Variants in MINDY2 observed in about 807,000 individuals in gnomAD.
MINDY2 encodes the protein MINDY lysine 48 deubiquitinase 2.
A neutral mutation model predicts 68.2 loss-of-function variants in MINDY2; 52 were observed. The observed-to-expected ratio is 0.76, with a 90% CI of 0.61 to 0.96. The LOEUF is 0.96. Among genes scored for constraint, MINDY2 ranks in the 40% least tolerant of loss-of-function variants. The probability of loss-of-function intolerance (pLI) is 0.00; values close to 1 mark genes in which losing one functional copy is unlikely to be tolerated. For synonymous variants in MINDY2, 372 were observed against 303.0 expected, an observed-to-expected ratio of 1.23 and a Z score of -2.36; for missense variants, 881 against 773.4, an observed-to-expected ratio of 1.14 and a Z score of -1.65.
At chr15:58,801,675 T>C (rs1356284531) in intron 2 of MINDY2, among the ~76,000 whole-genome samples, 1 of 152,116 alleles carries the variant, frequency 6.6e-6, no homozygotes, top group African/African-American at 2.4e-5. Flanking sequence ...AGTCTCACTT[T>C]GTTGCCCAGG....
chr15:58,771,678 C>A lies in MINDY2; in HGVS notation c.283C>A (p.Pro95Thr), dbSNP rs1427158899. Residue 95 changes from proline to threonine, a missense_variant, in exon 1 of 9, where the codon CCT (proline) becomes ACT (threonine). Transcript: ENST00000559228. Reference protein sequence around the residue: ...LDLKDSGLESPAAAEAPLRGQ... With the variant: ...LDLKDSGLESTAAAEAPLRGQ... The stretch of plus-strand genomic sequence containing the variant: ...CTTGAAGGACAGTGGTTTGGAGAGT[C>A]CTGCTGCCGCCGAGGCGCCTCTGAG... 1 of 1,612,360 alleles carries A rather than the reference C, an allele frequency of 6.2e-7. No individual in the cohort carries two copies. The highest frequency in any genetic ancestry group is 1.7e-5 in the Admixed American group (1 of 59,978).
chr15:58,809,221 A>G, intron 3 of MINDY2, among the ~76,000 whole-genome samples: 1 of 151,152 alleles, frequency 6.6e-6, no homozygotes, highest in African/African-American at 2.4e-5. Context: ...TCATCAAACA[A>G]CCCCCCTTTT....
chr15:58,787,406 A>G (rs974264973), intron 1 of MINDY2, among the ~76,000 whole-genome samples: 1 of 151,984 alleles, frequency 6.6e-6, no homozygotes, highest in African/African-American at 2.4e-5. Flanking sequence ...AACCGCAATT[A>G]GTTTTGCACC....
chr15:58,827,093 T>C (rs1489421117), intron 5 of MINDY2, among the ~76,000 whole-genome samples: 6 of 152,228 alleles, frequency 3.9e-5, no homozygotes, highest in Non-Finnish European at 8.8e-5. Context: ...TAGGTGACAT[T>C]GTGTCTTTCC....
chr15:58,854,607 G>A lies in MINDY2; in HGVS notation c.1863G>A (p.Leu621=). 1.2e-6 allele frequency: 2 copies of A among 1,605,316 alleles called. No homozygotes were observed. The highest frequency in any genetic ancestry group is 1.7e-6 in the Non-Finnish European group (2 of 1,179,024). ...KEKEKNSCVI[L] ...AGGAAAAAAATAGCTGTGTTATTTT[G>A]TAACAAGTGTTGGCTTCTGTTGGAA... The change falls in exon 9 of 9, where the codon TTG becomes TTA. Residue 621 remains leucine (L), a synonymous_variant. Coordinates refer to ENST00000559228, the MANE Select transcript of MINDY2 (RefSeq NM_001040450.3).
intron 4 of MINDY2, among the ~76,000 whole-genome samples, chr15:58,812,991 A>G (rs998778808): frequency 2.5e-4 from 38 of 152,178 alleles, no homozygotes; most frequent in African/African-American, 8.0e-4. Flanking sequence ...TTAACCCCTG[A>G]CAACCACTAA....
intron 1 of MINDY2, among the ~76,000 whole-genome samples, chr15:58,774,667 G>A (rs1900668288): frequency 6.6e-6 from 1 of 152,074 alleles, no homozygotes; most frequent in Non-Finnish European, 1.5e-5. Flanking sequence ...GGATTATCAA[G>A]GGAAGACTTC....
intron 6 of MINDY2, 75 bp downstream of exon 6, chr15:58,831,991 C>T (rs577798436): frequency 1.5e-6 from 2 of 1,294,828 alleles, no homozygotes; most frequent in Non-Finnish European, 2.1e-6. Flanking sequence ...TTTTGATCTG[C>T]TTATAAATAA....
chr15:58,834,944 C>T (rs1174192302), intron 6 of MINDY2, among the ~76,000 whole-genome samples: 3 of 152,170 alleles, frequency 2.0e-5, no homozygotes, highest in Non-Finnish European at 4.4e-5. Context: ...ATCCATACTC[C>T]TCAGAAATCT....
intron 7 of MINDY2, among the ~76,000 whole-genome samples, chr15:58,847,810 A>G (rs1032313041): frequency 2.0e-5 from 3 of 152,258 alleles, no homozygotes. Context: ...AGAAGGAAAC[A>G]GGTCTAAGCA....
At chr15:58,818,022 A>G (rs2030814619) in intron 4 of MINDY2, among the ~76,000 whole-genome samples, 1 of 152,228 alleles carries the variant, frequency 6.6e-6, no homozygotes, top group African/African-American at 2.4e-5. Flanking sequence ...ATGAGTAACC[A>G]CATTATGGTA....
chr15:58,788,366 A>G (rs1434948969), intron 2 of MINDY2, among the ~76,000 whole-genome samples: 6 of 152,244 alleles, frequency 3.9e-5, no homozygotes, highest in South Asian at 2.1e-4. Flanking sequence ...ACCTATGCCA[A>G]TCTACAAAAT....
intron 2 of MINDY2, chr15:58,796,295 T>C (rs1368950784): frequency 1.7e-5 from 6 of 354,684 alleles, no homozygotes; most frequent in Admixed American, 3.5e-5. Context: ...TATCTTAAGC[T>C]CAAGCTAGAG....
At chr15:58,851,623 T>C in intron 7 of MINDY2, 148 bp from the exon 8 acceptor site, 1 of 580,804 alleles carries the variant, frequency 1.7e-6, no homozygotes. Flanking sequence ...ACTTTTTTTG[T>C]AGAGACAGGG....
chr15:58,837,216 G>A (rs922584333), intron 6 of MINDY2, among the ~76,000 whole-genome samples: 15 of 152,076 alleles, frequency 9.9e-5, no homozygotes, highest in African/African-American at 3.6e-4. Flanking sequence ...TGAGTTGTTT[G>A]TAGCACTTTA....
chr15:58,831,948 T>C, intron 6 of MINDY2, 32 bp downstream of exon 6: 1 of 1,583,460 alleles, frequency 6.3e-7, no homozygotes, highest in South Asian at 1.2e-5. Context: ...TTAATCGTGA[T>C]TCTAAATCAA....
chr15:58,807,210 A>G (rs951552234), intron 3 of MINDY2, among the ~76,000 whole-genome samples: 5 of 152,104 alleles, frequency 3.3e-5, no homozygotes, highest in Non-Finnish European at 4.4e-5. Flanking sequence ...AGTATCTTGT[A>G]CAGTGTCTGA....
rs1337390416 is a variant in MINDY2 at position 58,814,525 on chromosome 15, C to T, written c.1122+4137C>T. Among the ~76,000 whole-genome samples, 9 of 151,924 alleles carry T rather than the reference C, an allele frequency of 5.9e-5. No individual in the cohort carries two copies. In the South Asian group the frequency reaches 6.2e-4, roughly 11 times the overall value. On this transcript the variant is annotated intron_variant, in intron 4 of 8. Transcript: ENST00000559228. ...CCTCAGCCTCCTAAGTAGCTGGGCACATGCCACCATACCCTGCTCACTTTT... is the reference window on the plus strand; with the variant it reads ...CCTCAGCCTCCTAAGTAGCTGGGCATATGCCACCATACCCTGCTCACTTTT...
At chr15:58,803,590 A>G (rs979172099) in intron 3 of MINDY2, among the ~76,000 whole-genome samples, 10 of 151,716 alleles carry the variant, frequency 6.6e-5, no homozygotes, top group Admixed American at 6.6e-5. Flanking sequence ...GCCAAGGTGG[A>G]TGGGTCACTT....
Sources: allele counts gnomAD v4.1 joint callset (sites outside exome capture counted in the v4.1 genomes callset), GRCh38; gene constraint gnomAD v4.1.1; transcripts MANE v1.5; gene names NCBI Gene and HGNC (gene_info 2026-07-23, HGNC 2026-07-21).